SLCO1B3: variants seen among roughly 807,000 people sequenced by gnomAD.
SLCO1B3 encodes solute carrier organic anion transporter family member 1B3, also known as liver-specific organic anion transporter 2.
Under a neutral mutation model 71.8 loss-of-function variants are expected in SLCO1B3, and 72 were observed. The ratio of observed to expected loss-of-function variants is 1.00; its 90% CI spans 0.83 to 1.22. The LOEUF (loss-of-function observed/expected upper bound fraction) is 1.22, where lower values mean the gene tolerates loss of function less well. SLCO1B3 is among the 50% of genes most tolerant of loss of function. The pLI is 0.00. For synonymous variants in SLCO1B3, 298 were observed against 278.4 expected (o/e 1.07, Z -0.70); for missense variants, 911 against 819.7 (o/e 1.11, Z -1.36).
chr12:20,822,744 C>CT (rs200530348), intron 3 of SLCO1B3, among the ~76,000 whole-genome samples: 15,382 of 152,160 alleles, frequency 0.1, 1,037 homozygotes, highest in Middle Eastern at 0.16. Context: ...ATAAGGTGAA[C>CT]ATAGACTAGC....
intron 3 of SLCO1B3, among the ~76,000 whole-genome samples, chr12:20,836,202 C>A (rs1290106838): frequency 2.0e-5 from 3 of 152,128 alleles, no homozygotes; most frequent in African/African-American, 4.8e-5. Flanking sequence ...ATGGGAGCTA[C>A]AATTTAAGAT....
At chr12:20,887,022 A>G (rs1865804083) in intron 13 of SLCO1B3, among the ~76,000 whole-genome samples, 1 of 152,000 alleles carries the variant, frequency 6.6e-6, no homozygotes, top group South Asian at 2.1e-4. Flanking sequence ...CTCCATTTCT[A>G]TCCACATTGC....
intron 1 of SLCO1B3, among the ~76,000 whole-genome samples, chr12:20,812,009 G>A (rs144358003): frequency 2.1e-4 from 32 of 150,794 alleles, no homozygotes; most frequent in African/African-American, 7.8e-4. Flanking sequence ...CTGGGTTCAA[G>A]TGATTCTCCT....
intron 12 of SLCO1B3, among the ~76,000 whole-genome samples, chr12:20,881,969 GCCT>G (rs1865703689): frequency 6.6e-6 from 1 of 152,128 alleles, no homozygotes; most frequent in African/African-American, 2.4e-5. Context: ...GAAGAATAAA[GCCT>G]CCTAGTTTCC....
intron 3 of SLCO1B3, chr12:20,845,154 C>T (rs16923231): frequency 0.011 from 5,222 of 461,034 alleles, 258 homozygotes; most frequent in African/African-American, 0.097. Flanking sequence ...TTGAGCTCAC[C>T]GGGCTGATTG....
chr12:20,893,750 TGGGATTAA>T (rs1865949524), intron 13 of SLCO1B3, among the ~76,000 whole-genome samples: 1 of 151,448 alleles, frequency 6.6e-6, no homozygotes. Flanking sequence ...AGAGAGTGAG[TGGGATTAA>T]GGGATGTAGT....
intron 3 of SLCO1B3, among the ~76,000 whole-genome samples, chr12:20,822,264 T>G (rs1021042014): frequency 7.2e-5 from 11 of 152,052 alleles, no homozygotes; most frequent in African/African-American, 2.4e-4. Context: ...CTGGATGCGG[T>G]TGGGCTGAGT....
At chr12:20,851,073 A>G (rs558766775) in intron 3 of SLCO1B3, among the ~76,000 whole-genome samples, 5 of 152,254 alleles carry the variant, frequency 3.3e-5, no homozygotes, top group Admixed American at 3.3e-4. Flanking sequence ...TCATTTGTCA[A>G]TGAACATTTT....
Position 20,881,009 on chromosome 12 carries a change from A to G in SLCO1B3, c.1486A>G (p.Lys496Glu), listed in dbSNP as rs750941218. The G allele has an allele frequency of 6.2e-7, 1 of 1,607,960 alleles. No individual in the cohort carries two copies. The highest frequency in any genetic ancestry group is 1.7e-5 in the Admixed American group (1 of 59,124). ...AGGATGCAAATCCTCAAGTGGTATT[A>G]AAAAGCATACAGTGAGTATTAGTTT... ...LAGCKSSSGI[K>E]KHTVFYNCSC... Residue 496 changes from lysine (K) to glutamate (E), a missense_variant, in exon 12 of 16, where the codon AAA becomes GAA. Transcript: ENST00000381545.
At chr12:20,819,841 CTT>C (rs1403848673) in intron 3 of SLCO1B3, among the ~76,000 whole-genome samples, 1 of 151,888 alleles carries the variant, frequency 6.6e-6, no homozygotes, top group Non-Finnish European at 1.5e-5. Context: ...GTAGAGGTAT[CTT>C]ATACTTGTGG....
At chr12:20,897,813 G>T (rs771731913) in intron 13 of SLCO1B3, among the ~76,000 whole-genome samples, 2 of 152,138 alleles carry the variant, frequency 1.3e-5, no homozygotes, top group African/African-American at 2.4e-5. Flanking sequence ...GGATGGTAGT[G>T]TCATCAGTTT....
intron 3 of SLCO1B3, among the ~76,000 whole-genome samples, chr12:20,849,742 C>CAT: frequency 7.3e-6 from 1 of 136,164 alleles, no homozygotes; most frequent in East Asian, 2.2e-4. Context: ...CACACACACA[C>CAT]ACATATTACT....
chr12:20,854,882 G>A (rs1451812028), intron 3 of SLCO1B3, 146 bp from the exon 4 acceptor site: 9 of 713,886 alleles, frequency 1.3e-5, no homozygotes, highest in South Asian at 1.9e-5. Context: ...GGGCTGAGAA[G>A]TTTCAACTTG....
intron 8 of SLCO1B3, among the ~76,000 whole-genome samples, chr12:20,871,074 G>T (rs1039552211): frequency 1.3e-5 from 2 of 152,096 alleles, no homozygotes; most frequent in Non-Finnish European, 2.9e-5. Flanking sequence ...ATGTATTGTT[G>T]AATTTGGTTT....
In SLCO1B3 at chr12:20,906,343, G is replaced by C. The variant is rs564134913; in HGVS notation, c.1865+4876G>C. ...CAGTAGTTTCTTGGGGCTCAGTGTG[G>C]AGAAGGCTGGAATGAGTAGGCCTAG... On this transcript the variant is annotated intron_variant, in intron 15 of 15. Coordinates refer to ENST00000381545, the MANE Select transcript of SLCO1B3 (RefSeq NM_019844.4). 4.6e-5 allele frequency among the ~76,000 whole-genome samples: 7 copies of C among 152,320 alleles called. No individual in the cohort carries two copies. In the South Asian group the frequency reaches 1.4e-3, roughly 32 times the overall value.
chr12:20,820,753 G>T lies in SLCO1B3; in HGVS notation c.84+4931G>T, dbSNP rs923749686. Among the ~76,000 whole-genome samples the T allele has an allele frequency of 5.3e-5, 8 of 152,052 alleles. No homozygotes were observed. The East Asian group carries it at 1.6e-3, about 30-fold the overall frequency. On this transcript the variant is annotated intron_variant, in intron 3 of 15. Coordinates refer to ENST00000381545, the MANE Select transcript of SLCO1B3 (RefSeq NM_019844.4). ...GCCTTTTGACCTTTTAGGGTCTAGG[G>T]CTGTAAAGCATCTCAGGGTTGCTGC... is the stretch of plus-strand genomic sequence containing the variant.
At chr12:20,838,018 A>G (rs1395374924) in intron 3 of SLCO1B3, among the ~76,000 whole-genome samples, 3 of 151,882 alleles carry the variant, frequency 2.0e-5, no homozygotes, top group African/African-American at 7.2e-5. Context: ...TGTTGGGTGC[A>G]TATATGTTAA....
chr12:20,842,221 A>G (rs527242504), intron 3 of SLCO1B3, among the ~76,000 whole-genome samples: 3 of 152,128 alleles, frequency 2.0e-5, no homozygotes, highest in Non-Finnish European at 4.4e-5. Context: ...TGAATTTTAT[A>G]TGTATCTTAG....
chr12:20,872,808 C>G (rs190575729), intron 8 of SLCO1B3, among the ~76,000 whole-genome samples: 7 of 152,088 alleles, frequency 4.6e-5, no homozygotes, highest in Admixed American at 6.6e-5. Context: ...AAATATTTTG[C>G]AATCTATGCC....
Sources: allele counts gnomAD v4.1 joint callset (sites outside exome capture counted in the v4.1 genomes callset), GRCh38; gene constraint gnomAD v4.1.1; transcripts MANE v1.5; gene names NCBI Gene and HGNC (gene_info 2026-07-23, HGNC 2026-07-21).